Variants in PIK3R4 observed in about 807,000 individuals in gnomAD.
PIK3R4 encodes the protein phosphoinositide 3-kinase regulatory subunit 4.
Under a neutral mutation model 136.5 loss-of-function variants are expected in PIK3R4, and 46 were observed. The observed-to-expected ratio is 0.34, with a 90% CI of 0.27 to 0.43. The LOEUF is 0.43. PIK3R4 is among the 20% of genes least tolerant of loss of function. The pLI is 1.00. For synonymous variants in PIK3R4, 557 were observed against 566.7 expected, an observed-to-expected ratio of 0.98 and a Z score of 0.24; for missense variants, 1,331 against 1,649.5, an observed-to-expected ratio of 0.81 and a Z score of 3.35.
chr3:130,731,779 C>T lies in PIK3R4; in HGVS notation c.1451-1337G>A, dbSNP rs575378447. Among the ~76,000 whole-genome samples the T allele has an allele frequency of 2.6e-5, 4 of 152,320 alleles. No homozygotes were observed. The South Asian group carries it at 8.3e-4, about 32-fold the overall frequency. ...GATTTTAAACTTTTATAATTACTGA[C>T]ACATGTATTTTAATTATATTTAACC... is the stretch of plus-strand genomic sequence containing the variant. On this transcript the variant is annotated intron_variant, in intron 4 of 19. Coordinates refer to ENST00000356763, the MANE Select transcript of PIK3R4 (RefSeq NM_014602.3).
rs2066834349 is a variant in PIK3R4 at position 130,743,272 on chromosome 3, A to T, written c.733+1214T>A. Among the ~76,000 whole-genome samples, 4 of 151,690 alleles carry T rather than the reference A, an allele frequency of 2.6e-5. No individual in the cohort carries two copies. The South Asian group carries it at 8.3e-4, about 32-fold the overall frequency. ...AAAAATGTTAAAAAAAAAAAAAGTC[A>T]ACTGGGTGTGGTGGTGCACGCCTGC... On this transcript the variant is annotated intron_variant, in intron 2 of 19. Transcript: ENST00000356763.
At chr3:130,713,314 G>A (rs1238759552) in intron 9 of PIK3R4, among the ~76,000 whole-genome samples, 1 of 152,156 alleles carries the variant, frequency 6.6e-6, no homozygotes, top group Non-Finnish European at 1.5e-5. Flanking sequence ...CATAAAATGG[G>A]GGATTATTTG....
At position 130,744,699 on chromosome 3, in the gene PIK3R4, A is replaced by G; in HGVS notation, c.520T>C (p.Tyr174His). Reference protein sequence around the residue: ...LTDFASFKPTYLPEDNPADFN... With the variant: ...LTDFASFKPTHLPEDNPADFN... ...TCTGCCGGGTTGTCTTCTGGAAGAT[A>G]AGTGGGCTTAAAACTGGCAAAATCA... is the stretch of plus-strand genomic sequence containing the variant. Residue 174 changes from tyrosine to histidine, a missense_variant, in exon 2 of 20, where the codon TAT (tyrosine) becomes CAT (histidine). Physicochemically the swap from Tyr to His is moderately conservative, Grantham distance 83 (BLOSUM62 2). Around this residue, in one of 2 missense-constraint regions of PIK3R4, gnomAD observed 151 missense variants for 242.5 expected, o/e 0.62. Transcript: ENST00000356763. 6.2e-7 allele frequency: 1 copy of G among 1,614,254 alleles called. No individual in the cohort carries two copies. Among genetic ancestry groups the G allele is most frequent in the Non-Finnish European group, 8.5e-7 (1 of 1,180,052 alleles).
chr3:130,680,520 T>TC (rs763158950), intron 19 of PIK3R4, 93 bp downstream of exon 19: 26 of 609,684 alleles, frequency 4.3e-5, no homozygotes, highest in Non-Finnish European at 7.2e-5. Context: ...AAAGTACTCC[T>TC]CGCTTGGTCA....
intron 16 of PIK3R4, 81 bp from the exon 17 acceptor site, chr3:130,681,672 GAGAA>G (rs2066459383): frequency 1.4e-5 from 11 of 763,702 alleles, no homozygotes; most frequent in Middle Eastern, 2.4e-4. Flanking sequence ...GCAGTCCTGA[GAGAA>G]AGAAAGAAAA....
intron 13 of PIK3R4, among the ~76,000 whole-genome samples, chr3:130,701,277 T>C (rs984339291): frequency 6.6e-6 from 1 of 152,082 alleles, no homozygotes; most frequent in Non-Finnish European, 1.5e-5. Flanking sequence ...TTTGGGAGGC[T>C]GAGGCGGGCG....
chr3:130,717,340 T>C (rs943809350), intron 8 of PIK3R4, among the ~76,000 whole-genome samples: 5 of 152,096 alleles, frequency 3.3e-5, no homozygotes, highest in East Asian at 1.9e-4. Context: ...CAACTTCTGA[T>C]CCTGGCCTTT....
intron 7 of PIK3R4, among the ~76,000 whole-genome samples, chr3:130,721,111 G>A (rs1295018886): frequency 9.9e-5 from 15 of 152,052 alleles, no homozygotes; most frequent in East Asian, 7.7e-4. Flanking sequence ...TGAGGCGGGC[G>A]GATCACGAGG....
chr3:130,746,002 A>T (rs551351589), intron 1 of PIK3R4, among the ~76,000 whole-genome samples: 3 of 152,126 alleles, frequency 2.0e-5, no homozygotes, highest in Non-Finnish European at 4.4e-5. Flanking sequence ...CCTGGGTGAC[A>T]GAGCGAGACT....
At chr3:130,706,109 TA>T (rs2066604962) in intron 11 of PIK3R4, among the ~76,000 whole-genome samples, 1 of 152,262 alleles carries the variant, frequency 6.6e-6, no homozygotes, top group Non-Finnish European at 1.5e-5. Context: ...TAATGTTTTT[TA>T]TTTAAGATAT....
At position 130,678,956 on chromosome 3, in the gene PIK3R4, G is replaced by T. The variant is rs2066435434; in HGVS notation, c.*359C>A. Reference sequence around the variant, plus strand: ...GAATACAGTTTAACTGCTTTGAATAGCATTTTTAATAGCAAAAATGTGTTT... The same window carrying T: ...GAATACAGTTTAACTGCTTTGAATATCATTTTTAATAGCAAAAATGTGTTT... On this transcript the variant is annotated 3_prime_UTR_variant, in exon 20 of 20. Transcript: ENST00000356763. 6.5e-6 allele frequency: 1 copy of T among 154,716 alleles called. No homozygotes were observed. The highest frequency in any genetic ancestry group is 6.5e-5 in the Admixed American group (1 of 15,462). 9.6% of individuals were successfully genotyped at this position (154,716 alleles called of 1,614,324 possible).
Position 130,681,059 on chromosome 3 carries a change from G to C in PIK3R4, c.3715C>G (p.Pro1239Ala), listed in dbSNP as rs2066455234. The change falls in exon 18 of 20, where the codon CCT (proline) becomes GCT (alanine). Residue 1239 changes from proline to alanine, a missense_variant. Around this residue, in one of 2 missense-constraint regions of PIK3R4, gnomAD observed 1,180 missense variants for 1,407.0 expected, o/e 0.84. Coordinates refer to ENST00000356763, the MANE Select transcript of PIK3R4 (RefSeq NM_014602.3). ...APPLSELQPS[P>A]HSVHGIYCSP... is the part of the protein sequence containing the mutation. ...CAGTAGATACCATGGACGCTATGAG[G>C]AGAAGGCTTAAAAGAAATAGATGTG... The C allele has an allele frequency of 6.4e-7, 1 of 1,559,142 alleles. No homozygotes were observed. Among genetic ancestry groups the C allele is most frequent in the Non-Finnish European group, 8.8e-7 (1 of 1,130,088 alleles).
chr3:130,740,040 T>C (rs957083154), intron 2 of PIK3R4, among the ~76,000 whole-genome samples: 6 of 152,198 alleles, frequency 3.9e-5, no homozygotes, highest in African/African-American at 1.4e-4. Flanking sequence ...CTGATTCTGA[T>C]ATGGTACAAC....
At chr3:130,698,094 C>T (rs1025322506) in intron 13 of PIK3R4, among the ~76,000 whole-genome samples, 1 of 152,130 alleles carries the variant, frequency 6.6e-6, no homozygotes, top group Non-Finnish European at 1.5e-5. Context: ...TAGAACATCC[C>T]TTGTATGTGA....
intron 19 of PIK3R4, among the ~76,000 whole-genome samples, chr3:130,680,060 CAAAA>C (rs1163413860): frequency 1.3e-3 from 82 of 65,580 alleles, no homozygotes; most frequent in East Asian, 7.5e-3. Flanking sequence ...GACTCCATCT[CAAAA>C]AAAAAAAAAA....
intron 14 of PIK3R4, among the ~76,000 whole-genome samples, chr3:130,688,313 C>T (rs1026118602): frequency 6.6e-6 from 1 of 152,150 alleles, no homozygotes; most frequent in Admixed American, 6.5e-5. Context: ...CTGTGAAAAA[C>T]AACCAACTAG....
Position 130,708,382 on chromosome 3 carries a change from A to C in PIK3R4, c.2442T>G (p.Ser814Arg), listed in dbSNP as rs773166247. ...IVDQSHLHDS[S>R]QKGVIDLAAL... ...CTGCCAAGTCAATTACACCTTTCTGACTACTATCATGAAGATGGCTCTGGT... is the reference window on the plus strand; with the variant it reads ...CTGCCAAGTCAATTACACCTTTCTGCCTACTATCATGAAGATGGCTCTGGT... Residue 814 changes from serine (S) to arginine (R), a missense_variant, in exon 10 of 20, where the codon AGT becomes AGG. Ser to Arg is a moderately radical substitution (Grantham distance 110). This residue lies in a region of PIK3R4 where 1,180 missense variants were observed against 1,407.0 expected (regional missense o/e 0.84). Transcript: ENST00000356763. 16 of 1,613,676 alleles carry C rather than the reference A, an allele frequency of 9.9e-6. No individual in the cohort carries two copies. Among genetic ancestry groups the C allele is most frequent in the Non-Finnish European group, 1.4e-5 (16 of 1,179,758 alleles).
chr3:130,711,077 T>C (rs1218128804), intron 9 of PIK3R4, among the ~76,000 whole-genome samples: 1 of 151,428 alleles, frequency 6.6e-6, no homozygotes, highest in Admixed American at 6.6e-5. Context: ...GCCTAAGTTA[T>C]GGTAACTAAG....
intron 13 of PIK3R4, among the ~76,000 whole-genome samples, chr3:130,699,703 C>T (rs900988): frequency 0.21 from 31,360 of 152,032 alleles, 3,489 homozygotes; most frequent in South Asian, 0.36. Flanking sequence ...CCTTACTCTG[C>T]CATTCCAAAA....
Sources: gnomAD v4.1 joint callset for allele counts (sites outside exome capture counted in the v4.1 genomes callset) on GRCh38, gnomAD v4.1.1 for gene constraint, gnomAD v4.1.1 regional missense constraint, MANE v1.5 for transcripts, NCBI Gene and HGNC (gene_info 2026-07-23, HGNC 2026-07-21) for gene names.